ADARB1: variants seen among roughly 807,000 people sequenced by gnomAD.
ADARB1 encodes the protein adenosine deaminase RNA specific B1.
In ADARB1, 10 loss-of-function variants were observed where a neutral mutation model predicts 52.4. That is an observed-to-expected ratio of 0.19 (90% CI 0.12 to 0.32). The LOEUF is 0.32. ADARB1 is among the 10% of genes least tolerant of loss of function. The pLI, the probability that ADARB1 is intolerant of heterozygous loss-of-function variation, is 1.00. For synonymous variants in ADARB1, 349 were observed against 371.1 expected (o/e 0.94, Z 0.68); for missense variants, 643 against 922.3 (o/e 0.70, Z 3.92).
chr21:45,097,623 ATGCCTGGG>A (rs2086822141), intron 1 of ADARB1, among the ~76,000 whole-genome samples: 1 of 152,006 alleles, frequency 6.6e-6, no homozygotes, highest in African/African-American at 2.4e-5. Context: ...GGTTCTGAGG[ATGCCTGGG>A]TGCTGGCCAT....
In ADARB1 at chr21:45,157,033, A is replaced by G. The variant is rs918590274; in HGVS notation, c.-47-14577A>G. Among the ~76,000 whole-genome samples, 1 of 152,188 alleles carries G rather than the reference A, an allele frequency of 6.6e-6. No individual in the cohort carries two copies. Among genetic ancestry groups the G allele is most frequent in the African/African-American group, 2.4e-5 (1 of 41,438 alleles). On this transcript the variant is annotated intron_variant, in intron 2 of 10. Transcript: ENST00000348831. The surrounding 1 kb of genome is among the most constrained non-coding windows in gnomAD (Gnocchi z 4.1). ...TGAACCCCCAGTGGACAGCAGCGTT[A>G]TGGATAGAAGGCCCAGATCTCCTAG...
intron 7 of ADARB1, 40 bp from the exon 8 acceptor site, chr21:45,184,883 G>A (rs1212469335): frequency 5.1e-6 from 8 of 1,557,994 alleles, no homozygotes; most frequent in Non-Finnish European, 7.0e-6. Flanking sequence ...CAAATAGATG[G>A]TTTACTACCT....
At chr21:45,179,953 C>G (rs999249918) in intron 4 of ADARB1, among the ~76,000 whole-genome samples, 5 of 152,086 alleles carry the variant, frequency 3.3e-5, no homozygotes, top group African/African-American at 1.2e-4. Context: ...GAGGGCCATA[C>G]TAGGTGGGCG....
chr21:45,134,284 A>C lies in ADARB1; in HGVS notation c.-48+5711A>C, dbSNP rs1379194851. The stretch of plus-strand genomic sequence containing the variant: ...TGCCCGACAGTGGTGTGTGCACCCG[A>C]CGGGGGTGTGTGCCCGACAGTGGTG... On this transcript the variant is annotated intron_variant, in intron 2 of 10. Transcript: ENST00000348831. Among the ~76,000 whole-genome samples the C allele has an allele frequency of 2.6e-5, 2 of 75,542 alleles. 1 individual carries two copies. The highest frequency in any genetic ancestry group is 1.0e-4 in the African/African-American group (2 of 19,336). The allele number at this position is 75,542 out of a possible 152,430, so 49.6% of individuals were successfully genotyped here.
rs191825339 is a variant in ADARB1, at chr21:45,097,218, T to C, written c.-220+22425T>C. Among the ~76,000 whole-genome samples the C allele has an allele frequency of 3.2e-3, 480 of 152,220 alleles. 4 individuals are homozygous for C. The highest frequency in any genetic ancestry group is 0.014 in the Middle Eastern group (4 of 294). Reference sequence around the variant, plus strand: ...GAGAGTATTTTCCACTGTGAGATGGTCACATACCTTCTCTTTGGTAACAGG... The same window carrying C: ...GAGAGTATTTTCCACTGTGAGATGGCCACATACCTTCTCTTTGGTAACAGG... On this transcript the variant is annotated intron_variant, in intron 1 of 10. Transcript: ENST00000348831.
intron 2 of ADARB1, among the ~76,000 whole-genome samples, chr21:45,146,571 G>T (rs920598693): frequency 6.6e-6 from 1 of 152,180 alleles, no homozygotes; most frequent in Non-Finnish European, 1.5e-5. Flanking sequence ...GGTGGATGTG[G>T]GGGTAAACTA....
chr21:45,218,375 C>G (rs73233867), intron 9 of ADARB1, among the ~76,000 whole-genome samples: 8,889 of 152,284 alleles, frequency 0.058, 317 homozygotes, highest in African/African-American at 0.09. Flanking sequence ...GTTTTCCTCT[C>G]TAGAAATTTG....
At chr21:45,185,453 G>A (rs558730447) in intron 8 of ADARB1, among the ~76,000 whole-genome samples, 82 of 152,346 alleles carry the variant, frequency 5.4e-4, no homozygotes, top group African/African-American at 1.9e-3. Context: ...AACTTCAGTG[G>A]TCACTTTCAT....
chr21:45,089,394 C>T (rs1306044814), intron 1 of ADARB1, among the ~76,000 whole-genome samples: 1 of 152,138 alleles, frequency 6.6e-6, no homozygotes, highest in Non-Finnish European at 1.5e-5. Context: ...GCCCCTGTCT[C>T]TGTTTCTTCC....
intron 2 of ADARB1, among the ~76,000 whole-genome samples, chr21:45,168,284 C>T (rs2146092783): frequency 6.6e-6 from 1 of 152,000 alleles, no homozygotes; most frequent in South Asian, 2.1e-4. Flanking sequence ...CTTGTTTTTT[C>T]ATCTTTTTAA....
chr21:45,170,392 G>C (rs144652078), intron 2 of ADARB1, among the ~76,000 whole-genome samples: 198 of 152,236 alleles, frequency 1.3e-3, no homozygotes, highest in African/African-American at 4.5e-3. Flanking sequence ...GCACGTAATA[G>C]ATTCTCAGAA....
chr21:45,129,675 C>T (rs895774997), intron 2 of ADARB1, among the ~76,000 whole-genome samples: 1 of 152,120 alleles, frequency 6.6e-6, no homozygotes, highest in African/African-American at 2.4e-5. Flanking sequence ...AGGGAGCGGT[C>T]ACCAGGGCGT....
chr21:45,096,610 A>G (rs1280982546), intron 1 of ADARB1, among the ~76,000 whole-genome samples: 1 of 152,022 alleles, frequency 6.6e-6, no homozygotes, highest in East Asian at 1.9e-4. Context: ...GTCCCCATGT[A>G]CTTCCTCGAG....
At chr21:45,089,899 G>A (rs1473285032) in intron 1 of ADARB1, among the ~76,000 whole-genome samples, 2 of 152,176 alleles carry the variant, frequency 1.3e-5, no homozygotes, top group Admixed American at 6.5e-5. Flanking sequence ...TCCTTTCTAA[G>A]CTTTGTACTT....
intron 1 of ADARB1, among the ~76,000 whole-genome samples, chr21:45,113,283 C>T (rs375736448): frequency 1.1e-4 from 16 of 152,026 alleles, no homozygotes; most frequent in African/African-American, 3.9e-4. Context: ...ATTAGCCAGG[C>T]GTGGTGTTGC....
At chr21:45,167,886 T>G (rs1468119022) in intron 2 of ADARB1, among the ~76,000 whole-genome samples, 1 of 152,202 alleles carries the variant, frequency 6.6e-6, no homozygotes, top group East Asian at 1.9e-4. Context: ...GGTAGTTGCA[T>G]ATTTTATTTT....
At position 45,175,448 on chromosome 21, in the gene ADARB1, GA is replaced by G. The variant is rs558017735; in HGVS notation, c.29-274del. Among the ~76,000 whole-genome samples the G allele has an allele frequency of 4.9e-3, 749 of 152,032 alleles. 5 individuals are homozygous for G. The highest frequency in any genetic ancestry group is 7.7e-3 in the Non-Finnish European group (523 of 67,950). On this transcript the variant is annotated intron_variant, in intron 3 of 10. Transcript: ENST00000348831. ...TAGGTACTTCAGAATATTCTCAGAA[GA>G]AAAAAAATTATTTAAAGATTTTACT...
At position 45,104,739 on chromosome 21, in the gene ADARB1, G is replaced by C. The variant is rs534465528; in HGVS notation, c.-219-23663G>C. On this transcript the variant is annotated intron_variant, in intron 1 of 10. Transcript: ENST00000348831. Reference sequence around the variant, plus strand: ...CTCTGGGGAGTAGGGAATTTCCCTGGCGCTGGCAGGCAGCCCATGCTGCCG... The same window carrying C: ...CTCTGGGGAGTAGGGAATTTCCCTGCCGCTGGCAGGCAGCCCATGCTGCCG... Among the ~76,000 whole-genome samples, 9 of 152,336 alleles carry C rather than the reference G, an allele frequency of 5.9e-5. No individual in the cohort carries two copies. The South Asian group carries it at 1.9e-3, about 32-fold the overall frequency.
At chr21:45,109,509 T>C (rs2087436857) in intron 1 of ADARB1, among the ~76,000 whole-genome samples, 1 of 152,192 alleles carries the variant, frequency 6.6e-6, no homozygotes, top group African/African-American at 2.4e-5. Flanking sequence ...GTCTGGAGGC[T>C]GGTTGGTTTT....
Sources: gnomAD v4.1 joint callset for allele counts (sites outside exome capture counted in the v4.1 genomes callset) on GRCh38, gnomAD v4.1.1 for gene constraint, Gnocchi (gnomAD v3.1) non-coding constraint, MANE v1.5 for transcripts, NCBI Gene and HGNC (gene_info 2026-07-23, HGNC 2026-07-21) for gene names.